The following IL4I1 variants were observed in gnomAD, a reference collection of about 807,000 sequenced individuals.
The protein encoded by IL4I1 is L-amino-acid oxidase.
Under a neutral mutation model 29.7 loss-of-function variants are expected in IL4I1, and 24 were observed. The ratio of observed to expected loss-of-function variants is 0.81; its 90% CI spans 0.59 to 1.14. The LOEUF (loss-of-function observed/expected upper bound fraction) is 1.14, where lower values mean the gene tolerates loss of function less well. Ranked by LOEUF, IL4I1 falls within the 50% of genes most tolerant of loss-of-function variation. The probability of loss-of-function intolerance (pLI) is 0.00; values close to 1 mark genes in which losing one functional copy is unlikely to be tolerated. For missense variants in IL4I1, 686 were observed against 785.6 expected, an observed-to-expected ratio of 0.87 and a Z score of 1.52; for synonymous variants, 371 against 352.5, an observed-to-expected ratio of 1.05 and a Z score of -0.59.
In IL4I1 at chr19:49,891,447, G is replaced by A. The variant is rs756418357; in HGVS notation, c.594C>T (p.Gly198=). 1 of 1,614,150 alleles carries A rather than the reference G, an allele frequency of 6.2e-7. No homozygotes were observed. The highest frequency in any genetic ancestry group is 1.3e-5 in the African/African-American group (1 of 75,054). The change falls in exon 6 of 8, where the codon GGC becomes GGT. Residue 198 remains glycine (G), a synonymous_variant. Coordinates refer to ENST00000391826, the MANE Select transcript of IL4I1 (RefSeq NM_152899.2). ...CAAACTTCTTCATCGCCTTTCTGCA[G>A]CCCAGTGCCTTGAGGTCTTTGAGGG... is the stretch of plus-strand genomic sequence containing the variant. ...NQALKDLKAL[G]CRKAMKKFER...
chr19:49,926,046 T>C (rs1423393435), intron 2 of IL4I1, among the ~76,000 whole-genome samples: 4 of 151,570 alleles, frequency 2.6e-5, no homozygotes, highest in African/African-American at 7.3e-5. Flanking sequence ...CTGTATCTAC[T>C]AAAAATATAA....
At chr19:49,913,886 G>A (rs2075549620) in intron 2 of IL4I1, among the ~76,000 whole-genome samples, 1 of 152,184 alleles carries the variant, frequency 6.6e-6, no homozygotes, top group Non-Finnish European at 1.5e-5. Context: ...GGACTTTATG[G>A]GTGTGGGGGA....
intron 2 of IL4I1, among the ~76,000 whole-genome samples, chr19:49,904,866 C>T (rs2075301746): frequency 6.6e-6 from 1 of 152,140 alleles, no homozygotes; most frequent in African/African-American, 2.4e-5. Context: ...CCTGCCACCA[C>T]ACCCGGCTAA....
At position 49,889,886 on chromosome 19, in the gene IL4I1, C is replaced by A; in HGVS notation, c.1488G>T (p.Ser496=). ...TGATCTTGATGGCGGCGCGCAGCGC[C>A]GACTTGACCGCCGTCTCCACCCAGC... ...PHGWVETAVK[S]ALRAAIKINS... The change falls in exon 8 of 8, where the codon TCG becomes TCT. Residue 496 remains serine (S), a synonymous_variant. Coordinates refer to ENST00000391826, the MANE Select transcript of IL4I1 (RefSeq NM_152899.2). 6.2e-7 allele frequency: 1 copy of A among 1,605,890 alleles called. No individual in the cohort carries two copies. Among genetic ancestry groups the A allele is most frequent in the East Asian group, 2.2e-5 (1 of 44,720 alleles).
rs181971377 is a variant in IL4I1, at chr19:49,912,215, G to A, written c.-227-7894C>T. Among the ~76,000 whole-genome samples the A allele has an allele frequency of 9.5e-5, 14 of 147,452 alleles. No individual in the cohort carries two copies. In the East Asian group the frequency reaches 2.8e-3, roughly 30 times the overall value. On this transcript the variant is annotated intron_variant, in intron 2 of 9. Coordinates refer to the IL4I1 transcript ENST00000341114. ...ACGGGAGTCTCGCTCTGTTGCCCAG[G>A]CTGGAGTGGAATGGCATGATCTCGG...
chr19:49,902,492 C>T (rs1442958942), intron 3 of IL4I1, among the ~76,000 whole-genome samples: 3 of 151,744 alleles, frequency 2.0e-5, no homozygotes, highest in African/African-American at 7.3e-5. Flanking sequence ...TTCACGTTTC[C>T]TGGAATAGCT....
Position 49,896,027 on chromosome 19 carries a change from T to C in IL4I1, c.40A>G (p.Ile14Val). The change falls in exon 3 of 8, where the codon ATC becomes GTC. Residue 14 changes from isoleucine (I) to valine (V), a missense_variant. Coordinates refer to ENST00000391826, the MANE Select transcript of IL4I1 (RefSeq NM_152899.2). ...LALHLLVLVP[I>V]LLSLVASQDW... ...TGGGAGGCCACCAGGCTGAGGAGGA[T>C]GGGGACGAGGACGAGGAGGTGCAGG... 6.2e-7 allele frequency: 1 copy of C among 1,613,968 alleles called. No individual in the cohort carries two copies. Among genetic ancestry groups the C allele is most frequent in the Non-Finnish European group, 8.5e-7 (1 of 1,179,956 alleles).
chr19:49,919,223 A>G (rs1440329876), intron 2 of IL4I1, among the ~76,000 whole-genome samples: 2 of 152,228 alleles, frequency 1.3e-5, no homozygotes. Context: ...AAGGTACAAA[A>G]GGGAATAGTG....
upstream of IL4I1, chr19:49,901,693 C>T: frequency 1.3e-6 from 2 of 1,537,700 alleles, no homozygotes; most frequent in Non-Finnish European, 1.8e-6. Flanking sequence ...ATGGTTAGCC[C>T]AGGACAGAAG....
At chr19:49,899,898 T>A (rs2075256575), upstream of IL4I1, among the ~76,000 whole-genome samples, 1 of 152,118 alleles carries the variant, frequency 6.6e-6, no homozygotes, top group African/African-American at 2.4e-5. Context: ...TGGGATTTTG[T>A]TATGCTGCCC....
At chr19:49,903,110 C>G (rs552842232) in intron 3 of IL4I1, among the ~76,000 whole-genome samples, 2 of 151,522 alleles carry the variant, frequency 1.3e-5, no homozygotes, top group East Asian at 1.9e-4. Context: ...GCAGGACTCT[C>G]TGAAAAAAAA....
chr19:49,896,257 G>T, intron 1 of IL4I1, 75 bp from the exon 2 acceptor site: 1 of 1,446,132 alleles, frequency 6.9e-7, no homozygotes. Context: ...TCTCCCATGG[G>T]CTGCCCAGCT....
In IL4I1 at chr19:49,909,431, G is replaced by A. The variant is rs754044637; in HGVS notation, c.-227-5110C>T. 1.2e-5 allele frequency: 19 copies of A among 1,613,906 alleles called. No individual in the cohort carries two copies. The highest frequency in any genetic ancestry group is 2.2e-5 in the East Asian group (1 of 44,894). ...GCCCTGGCTGGAGGTGACGGTGCTCGATATGGCATTAGTGAGGTTGCTGCT... is the reference window on the plus strand; with the variant it reads ...GCCCTGGCTGGAGGTGACGGTGCTCAATATGGCATTAGTGAGGTTGCTGCT... On this transcript the variant is annotated intron_variant, in intron 2 of 9. Transcript: ENST00000341114.
chr19:49,912,050 T>A (rs546663406), intron 2 of IL4I1, among the ~76,000 whole-genome samples: 3 of 152,208 alleles, frequency 2.0e-5, no homozygotes, highest in Non-Finnish European at 4.4e-5. Flanking sequence ...CTTTTGCTAT[T>A]AATAAGTTGT....
In IL4I1 at chr19:49,921,696, C is replaced by G. The variant is rs1400522342; in HGVS notation, c.-228+5998G>C. 6.6e-6 allele frequency among the ~76,000 whole-genome samples: 1 copy of G among 152,162 alleles called. No homozygotes were observed. The highest frequency in any genetic ancestry group is 2.4e-5 in the African/African-American group (1 of 41,440). ...ACCCCTCTGCCCATTGAGGGGGCAC[C>G]TAGGGAGCCTAGGGGTCCCGTGAGG... is the stretch of plus-strand genomic sequence containing the variant. On this transcript the variant is annotated intron_variant, in intron 2 of 9. Transcript: ENST00000341114. The surrounding 1 kb of genome is among the most constrained non-coding windows in gnomAD (Gnocchi z 5.4).
chr19:49,915,045 C>T (rs1181613493), intron 2 of IL4I1, among the ~76,000 whole-genome samples: 3 of 151,954 alleles, frequency 2.0e-5, no homozygotes, highest in Non-Finnish European at 4.4e-5. Context: ...CGGCCCCCAA[C>T]CCCTTTCCTT....
intron 2 of IL4I1, among the ~76,000 whole-genome samples, chr19:49,912,708 A>C (rs773948141): frequency 1.2e-4 from 18 of 152,112 alleles, no homozygotes; most frequent in Non-Finnish European, 2.2e-4. Context: ...TACACAAAAA[A>C]CACAAAAATG....
intron 5 of IL4I1, 150 bp downstream of exon 5, chr19:49,894,118 C>T (rs1457661713): frequency 1.3e-5 from 9 of 719,072 alleles, no homozygotes; most frequent in Non-Finnish European, 2.1e-5. Flanking sequence ...TGGCACACAT[C>T]CCCTTGGTAG....
chr19:49,901,718 G>T (rs1191048494), upstream of IL4I1: 2 of 1,527,638 alleles, frequency 1.3e-6, no homozygotes, highest in Non-Finnish European at 1.8e-6. Flanking sequence ...CGTTGGGCAT[G>T]TGCGGAATCA....
Sources: allele counts gnomAD v4.1 joint callset (sites outside exome capture counted in the v4.1 genomes callset), GRCh38; gene constraint gnomAD v4.1.1; non-coding constraint Gnocchi (gnomAD v3.1); transcripts MANE v1.5; gene names NCBI Gene and HGNC (gene_info 2026-07-23, HGNC 2026-07-21).